Variants in RASSF3 observed in about 807,000 individuals in gnomAD.
RASSF3 encodes ras association domain-containing protein 3.
RASSF3 carries 19 observed loss-of-function variants against 19.9 expected under a neutral mutation model. The observed-to-expected ratio is 0.96, with a 90% CI of 0.67 to 1.40. RASSF3 has a LOEUF of 1.40. RASSF3 is among the 40% of genes most tolerant of loss of function. The pLI is 0.00. For synonymous variants in RASSF3, 110 were observed against 104.2 expected (o/e 1.06, Z -0.34); for missense variants, 306 against 289.8 (o/e 1.06, Z -0.41).
At chr12:64,641,068 A>G (rs577657310) in intron 1 of RASSF3, among the ~76,000 whole-genome samples, 2 of 152,266 alleles carry the variant, frequency 1.3e-5, no homozygotes, top group African/African-American at 2.4e-5. Context: ...AACGTCAATC[A>G]TCGTTTGGAT....
intron 2 of RASSF3, among the ~76,000 whole-genome samples, chr12:64,559,419 TTTGTTGTTGTTG>T (rs56226235): frequency 6.7e-6 from 1 of 149,022 alleles, no homozygotes; most frequent in East Asian, 2.0e-4. Flanking sequence ...AATTGTTGTT[TTTGTTGTTGTTG>T]TTGTTGTTGT....
chr12:64,596,772 C>T (rs763400736), intron 2 of RASSF3, among the ~76,000 whole-genome samples: 1 of 152,144 alleles, frequency 6.6e-6, no homozygotes, highest in Non-Finnish European at 1.5e-5. Context: ...TCTTGTTGCC[C>T]AGGCTGGAGT....
intron 2 of RASSF3, among the ~76,000 whole-genome samples, chr12:64,594,059 G>A (rs370325988): frequency 1.7e-4 from 26 of 149,862 alleles, no homozygotes; most frequent in Admixed American, 6.1e-4. Flanking sequence ...ATGGCTGGGC[G>A]TGGTAGCTCA....
rs1391849609 is a variant in RASSF3 at position 64,594,882 on chromosome 12, G to T, written c.294+53177G>T. Among the ~76,000 whole-genome samples, 5 of 151,730 alleles carry T rather than the reference G, an allele frequency of 3.3e-5. No homozygotes were observed. In the East Asian group the frequency reaches 9.7e-4, roughly 29 times the overall value. On this transcript the variant is annotated intron_variant, in intron 2 of 5. Transcript: ENST00000637125. The stretch of plus-strand genomic sequence containing the variant: ...CCCACCTTAGCCTCCCAATTAGCTG[G>T]GACTATAGGCAGGTACCACCGTGTT...
At chr12:64,661,469 T>C (rs1329709896) in intron 1 of RASSF3, among the ~76,000 whole-genome samples, 1 of 152,006 alleles carries the variant, frequency 6.6e-6, no homozygotes, top group African/African-American at 2.4e-5. Context: ...GGCGACAAAG[T>C]GAGACCCTGT....
chr12:64,642,580 AAAAAAAAAG>A (rs1258953458), intron 1 of RASSF3, among the ~76,000 whole-genome samples: 10 of 146,680 alleles, frequency 6.8e-5, no homozygotes, highest in Non-Finnish European at 1.2e-4. Context: ...AAAAAAAAAA[AAAAAAAAAG>A]ATTCATCAAA....
chr12:64,507,361 A>C (rs1555206214), intron 1 of RASSF3: 2 of 398,184 alleles, frequency 5.0e-6, no homozygotes, highest in African/African-American at 4.1e-5. Context: ...CCTTATTTCA[A>C]ATCCGTTTTT....
chr12:64,602,041 T>C (rs1213134601), intron 2 of RASSF3, among the ~76,000 whole-genome samples: 1 of 147,898 alleles, frequency 6.8e-6, no homozygotes, highest in Admixed American at 6.8e-5. Flanking sequence ...GGGGTGAACC[T>C]GGGAGTCAGA....
chr12:64,584,012 T>C (rs1869748171), intron 2 of RASSF3, among the ~76,000 whole-genome samples: 1 of 152,202 alleles, frequency 6.6e-6, no homozygotes, highest in African/African-American at 2.4e-5. Flanking sequence ...AATCATACAT[T>C]CAGGCAGCTG....
chr12:64,624,356 A>G (rs993203443), intron 1 of RASSF3, among the ~76,000 whole-genome samples: 1 of 152,024 alleles, frequency 6.6e-6, no homozygotes, highest in Non-Finnish European at 1.5e-5. Context: ...GCAAGCAGCT[A>G]TGTAGGGCAC....
chr12:64,557,414 A>T (rs1869273255), intron 2 of RASSF3, among the ~76,000 whole-genome samples: 1 of 152,120 alleles, frequency 6.6e-6, no homozygotes, highest in African/African-American at 2.4e-5. Flanking sequence ...GTAATTGACT[A>T]GAGTCAATTA....
At chr12:64,600,452 G>T (rs1296175519) in intron 2 of RASSF3, among the ~76,000 whole-genome samples, 1 of 152,082 alleles carries the variant, frequency 6.6e-6, no homozygotes, top group Non-Finnish European at 1.5e-5. Context: ...GTGTTTACTC[G>T]GTAAATTTCC....
At chr12:64,650,117 A>C (rs1423038022) in intron 1 of RASSF3, among the ~76,000 whole-genome samples, 1 of 152,220 alleles carries the variant, frequency 6.6e-6, no homozygotes, top group African/African-American at 2.4e-5. Flanking sequence ...ATGTATTTGC[A>C]GGGGCAGGGA....
chr12:64,552,568 T>C (rs1869183766), intron 2 of RASSF3, among the ~76,000 whole-genome samples: 1 of 152,110 alleles, frequency 6.6e-6, no homozygotes, highest in Non-Finnish European at 1.5e-5. Context: ...GTTGTTCCCC[T>C]CCCTGTGTCC....
At chr12:64,525,660 C>T (rs1165035878) in intron 1 of RASSF3, among the ~76,000 whole-genome samples, 1 of 152,148 alleles carries the variant, frequency 6.6e-6, no homozygotes, top group Non-Finnish European at 1.5e-5. Context: ...AATGGGCTGG[C>T]AGGTGGCAGT....
intron 2 of RASSF3, among the ~76,000 whole-genome samples, chr12:64,600,518 GA>G (rs2136145366): frequency 6.6e-6 from 1 of 152,242 alleles, no homozygotes; most frequent in Admixed American, 6.5e-5. Flanking sequence ...TGCCCTTTGG[GA>G]GTCCTATATC....
rs1868335324 is a variant in RASSF3 at position 64,695,054 on chromosome 12, C to T, written c.*142C>T. On this transcript the variant is annotated 3_prime_UTR_variant, in exon 5 of 5. Transcript: ENST00000542104. Reference sequence around the variant, plus strand: ...TATCTGTAGATTTTGTTCCCCAAACCTGGTCACACAGCATCCTGCACCTTA... The same window carrying T: ...TATCTGTAGATTTTGTTCCCCAAACTTGGTCACACAGCATCCTGCACCTTA... 1 of 858,716 alleles carries T rather than the reference C, an allele frequency of 1.2e-6. No homozygotes were observed. Among genetic ancestry groups the T allele is most frequent in the South Asian group, 1.8e-5 (1 of 55,590 alleles). 53.2% of individuals were successfully genotyped at this position (858,716 alleles called of 1,614,324 possible).
chr12:64,565,505 G>T (rs1417985730), intron 2 of RASSF3, among the ~76,000 whole-genome samples: 1 of 152,192 alleles, frequency 6.6e-6, no homozygotes, highest in Non-Finnish European at 1.5e-5. Context: ...CTGAGGTCAG[G>T]AGTTTGAGAC....
chr12:64,650,354 A>G (rs1434146807), intron 1 of RASSF3, among the ~76,000 whole-genome samples: 1 of 149,738 alleles, frequency 6.7e-6, no homozygotes, highest in Admixed American at 6.7e-5. Flanking sequence ...TGCTGTGCTC[A>G]GTGATGACCT....
Sources: allele counts gnomAD v4.1 joint callset (sites outside exome capture counted in the v4.1 genomes callset), GRCh38; gene constraint gnomAD v4.1.1; transcripts MANE v1.5; gene names NCBI Gene and HGNC (gene_info 2026-07-23, HGNC 2026-07-21).